The following PEX10 variants were observed in gnomAD, a reference collection of about 807,000 sequenced individuals.
PEX10 encodes peroxisomal biogenesis factor 10.
A neutral mutation model predicts 38.0 loss-of-function variants in PEX10; 32 were observed. The ratio of observed to expected loss-of-function variants is 0.84; its 90% CI spans 0.63 to 1.13. The LOEUF (loss-of-function observed/expected upper bound fraction) is 1.13. Ranked by LOEUF, PEX10 falls within the 50% of genes most tolerant of loss-of-function variation. PEX10 has a pLI of 0.00. For missense variants in PEX10, 483 were observed against 457.7 expected (o/e 1.06, Z -0.51); for synonymous variants, 206 against 207.3 (o/e 0.99, Z 0.05).
At chr1:2,412,602 A>C (rs866892911), upstream of PEX10, 71 of 965,050 alleles carry the variant, frequency 7.4e-5, no homozygotes, top group South Asian at 2.8e-4. Context: ...CGTGCGGCGC[A>C]GACCTCTGCG....
chr1:2,408,461 C>A lies in PEX10; in HGVS notation c.591G>T (p.Gly197=). The change falls in exon 3 of 6, where the codon GGG becomes GGT. Residue 197 remains glycine (G), a synonymous_variant. Coordinates refer to ENST00000447513, the MANE Select transcript of PEX10 (RefSeq NM_002617.4). ...AGCGCCTGCTACTTACGTACGTGAT[C>A]CCCGTGAGCCTCTTGGCCAGGTGGT... ...VFYHLAKRLT[G]ITYLRVRSLP... The A allele has an allele frequency of 6.2e-7, 1 of 1,612,982 alleles. No individual in the cohort carries two copies. The highest frequency in any genetic ancestry group is 8.5e-7 in the Non-Finnish European group (1 of 1,179,992).
At position 2,404,167 on chromosome 1, in the gene PEX10, T is replaced by G. The variant is rs1024482909; in HGVS notation, c.*1599A>C. On this transcript the variant is annotated 3_prime_UTR_variant, in exon 6 of 6. Coordinates refer to ENST00000447513, the MANE Select transcript of PEX10 (RefSeq NM_002617.4). ...CTCCTGGGCCCCGGGCTGCGCAGGC[T>G]CCTCACTCTGGGCGGTGTTTCCTGT... 14 of 152,242 alleles carry G rather than the reference T, an allele frequency of 9.2e-5. No homozygotes were observed. The highest frequency in any genetic ancestry group is 3.4e-4 in the African/African-American group (14 of 41,440). The allele number at this position is 152,242 out of a possible 1,614,324, so 9.4% of individuals were successfully genotyped here.
In PEX10 at chr1:2,408,919, G is replaced by C. The variant is rs375846571; in HGVS notation, c.194-61C>G. ...CTGCTGCCGCGGGGACAGGCTCCCG[G>C]CGCCCCTGCCAGCCGACCCTCTGCT... On this transcript the variant is annotated intron_variant, in intron 2 of 5. Transcript: ENST00000447513. 308 of 1,558,408 alleles carry C rather than the reference G, an allele frequency of 2.0e-4. 6 individuals carry two copies. The East Asian group carries it at 5.0e-3, about 25-fold the overall frequency.
At chr1:2,406,134 C>T (rs1483898057) in intron 5 of PEX10, among the ~76,000 whole-genome samples, 1 of 152,168 alleles carries the variant, frequency 6.6e-6, no homozygotes, top group African/African-American at 2.4e-5. Context: ...CGCTCTCACC[C>T]TGCCGGCATC....
Position 2,410,222 on chromosome 1 carries a change from C to T in PEX10, c.193+149G>A, listed in dbSNP as rs556461016. 66 of 713,178 alleles carry T rather than the reference C, an allele frequency of 9.3e-5. No individual in the cohort carries two copies. The East Asian group carries it at 1.4e-3, about 15-fold the overall frequency. 44.2% of individuals were successfully genotyped at this position (713,178 alleles called of 1,614,324 possible). A position where few individuals can be genotyped will look rare whatever the true frequency, so the allele number is the denominator to read the frequency against. ...CTGGGAGCAGATGCCTCGCCTCCCT[C>T]GGAGCAGTACCTCCTGCACTTCCCT... is the stretch of plus-strand genomic sequence containing the variant. On this transcript the variant is annotated intron_variant, in intron 2 of 5. Transcript: ENST00000447513. This position sits in a 1 kb window ranked among gnomAD's most constrained non-coding sequence, Gnocchi z 5.1.
At chr1:2,412,765 A>T (rs1356334599), upstream of PEX10, among the ~76,000 whole-genome samples, 1 of 151,238 alleles carries the variant, frequency 6.6e-6, no homozygotes, top group African/African-American at 2.4e-5. Flanking sequence ...GGGGCCCGCG[A>T]GCCGAGGTGG....
chr1:2,406,020 C>T (rs1002806522), intron 5 of PEX10, among the ~76,000 whole-genome samples, 186 bp from the exon 6 acceptor site: 4 of 152,116 alleles, frequency 2.6e-5, no homozygotes, highest in Non-Finnish European at 5.9e-5. Context: ...GGGGCTGGGG[C>T]GGGGCTGGGG....
At chr1:2,412,344 A>AC (rs1162150177) in intron 1 of PEX10, 47 bp downstream of exon 1, 4 of 1,312,040 alleles carry the variant, frequency 3.0e-6, no homozygotes, top group South Asian at 4.0e-5. Flanking sequence ...GAGGGGCAAC[A>AC]CCCCCTGGGC....
rs1129332 is a variant in PEX10 at position 2,404,771 on chromosome 1, C to T, written c.*995G>A. On this transcript the variant is annotated 3_prime_UTR_variant, in exon 6 of 6. Coordinates refer to ENST00000447513, the MANE Select transcript of PEX10 (RefSeq NM_002617.4). ...ACGCCCTCGAGGCATTTTAACACTGCGCTTCAGGAAATCTCAAGTTCCATC... is the reference window on the plus strand; with the variant it reads ...ACGCCCTCGAGGCATTTTAACACTGTGCTTCAGGAAATCTCAAGTTCCATC... The T allele has an allele frequency of 0.25, 37,465 of 152,352 alleles. 5,211 individuals carry two copies. Among genetic ancestry groups the T allele is most frequent in the East Asian group, 0.39 (2,025 of 5,176 alleles). The allele number at this position is 152,352 out of a possible 1,614,324, so 9.4% of individuals were successfully genotyped here.
At position 2,408,464 on chromosome 1, in the gene PEX10, CG is replaced by C. The variant is rs1557910161; in HGVS notation, c.587del (p.Thr196ArgfsTer16). ...GCCTGCTACTTACGTACGTGATCCC[CG>C]TGAGCCTCTTGGCCAGGTGGTAGAA... ...GVFYHLAKRL[T>X]GITYLRVRSL... On this transcript the variant is annotated frameshift_variant, in exon 3 of 6. Transcript: ENST00000447513. LOFTEE classifies it high-confidence loss of function. 1 of 1,612,978 alleles carries C rather than the reference CG, an allele frequency of 6.2e-7. No individual in the cohort carries two copies. Among genetic ancestry groups the C allele is most frequent in the South Asian group, 1.1e-5 (1 of 91,078 alleles).
In PEX10 at chr1:2,408,671, C is replaced by T; in HGVS notation, c.381G>A (p.Leu127=). ...GCCCACCTGGCCCCAGGCTCCCCTG[C>T]AAGGGTCGCCCACTGTCGGGGTCAG... ...LQADPDSGRP[L]QGSLGPGGRG... Residue 127 remains leucine (L), a synonymous_variant, in exon 3 of 6, where the codon TTG becomes TTA. Coordinates refer to ENST00000447513, the MANE Select transcript of PEX10 (RefSeq NM_002617.4). 2 of 1,612,190 alleles carry T rather than the reference C, an allele frequency of 1.2e-6. No individual in the cohort carries two copies. Among genetic ancestry groups the T allele is most frequent in the Non-Finnish European group, 1.7e-6 (2 of 1,179,338 alleles).
rs778793845 is a variant in PEX10 at position 2,405,715 on chromosome 1, G to A, written c.*51C>T. The A allele has an allele frequency of 2.5e-5, 37 of 1,470,350 alleles. No individual in the cohort carries two copies. The highest frequency in any genetic ancestry group is 1.5e-4 in the East Asian group (6 of 41,228). The allele number at this position is 1,470,350 out of a possible 1,614,324, so 91.1% of individuals were successfully genotyped here. ...GTTAATCCTGAGACTAAATCTTGGC[G>A]TTCAGACTCCCGTAGAGGTCATCTG... On this transcript the variant is annotated 3_prime_UTR_variant, in exon 6 of 6. Transcript: ENST00000447513.
rs1208287623 is a variant in PEX10, at chr1:2,410,777, C to T, written c.113-326G>A. 4.1e-6 allele frequency: 2 copies of T among 488,890 alleles called. No individual in the cohort carries two copies. Among genetic ancestry groups the T allele is most frequent in the African/African-American group, 3.9e-5 (2 of 51,426 alleles). The allele number at this position is 488,890 out of a possible 1,614,324, so 30.3% of individuals were successfully genotyped here. A position where few individuals can be genotyped will look rare whatever the true frequency, so the allele number is the denominator to read the frequency against. On this transcript the variant is annotated intron_variant, in intron 1 of 5. Transcript: ENST00000447513. The surrounding 1 kb of genome is among the most constrained non-coding windows in gnomAD (Gnocchi z 5.1). ...ATTAAGATTACAGGCCAGAGGCCAACTGTCTAGCATCAAAAAGCAGCTCTC... is the reference window on the plus strand; with the variant it reads ...ATTAAGATTACAGGCCAGAGGCCAATTGTCTAGCATCAAAAAGCAGCTCTC...
intron 3 of PEX10, among the ~76,000 whole-genome samples, chr1:2,407,757 G>A (rs1643057896): frequency 6.6e-6 from 1 of 152,182 alleles, no homozygotes; most frequent in African/African-American, 2.4e-5. Flanking sequence ...GGGGCTGAGG[G>A]GACCAGTGCA....
chr1:2,412,837 GCTGCGACCTCGGGGTC>G (rs1643313055), upstream of PEX10, among the ~76,000 whole-genome samples: 1 of 152,064 alleles, frequency 6.6e-6, no homozygotes, highest in South Asian at 2.1e-4. Context: ...CCGCGTGGTT[GCTGCGACCTCGGGGTC>G]CTACGCTGCC....
intron 3 of PEX10, 193 bp from the exon 4 acceptor site, chr1:2,407,088 T>C (rs1643036057): frequency 2.7e-6 from 2 of 747,208 alleles, no homozygotes; most frequent in Non-Finnish European, 4.7e-6. Context: ...CTTCGTAGCC[T>C]AGCATGACGG....
In PEX10 at chr1:2,412,352, G is replaced by C. The variant is rs879443489; in HGVS notation, c.112+39C>G. 9.0e-4 allele frequency: 1,220 copies of C among 1,349,446 alleles called. 1 individual carries two copies. Among genetic ancestry groups the C allele is most frequent in the Non-Finnish European group, 1.1e-3 (1,160 of 1,056,492 alleles). The allele number at this position is 1,349,446 out of a possible 1,614,324, so 83.6% of individuals were successfully genotyped here. ...CCTCCATGAGGGGCAACACCCCCTG[G>C]GCCGCTCGCGAGGACGTCCGGCCGC... On this transcript the variant is annotated intron_variant, in intron 1 of 5. Transcript: ENST00000447513.
rs781306925 is a variant in PEX10 at position 2,412,481 on chromosome 1, G to A, written c.22C>T (p.Pro8Ser). The A allele has an allele frequency of 1.4e-5, 20 of 1,384,160 alleles. No individual in the cohort carries two copies. Among genetic ancestry groups the A allele is most frequent in the African/African-American group, 4.5e-5 (3 of 66,140 alleles). 85.7% of individuals were successfully genotyped at this position (1,384,160 alleles called of 1,614,324 possible). A position where few individuals can be genotyped will look rare whatever the true frequency, so the allele number is the denominator to read the frequency against. The change falls in exon 1 of 6, where the codon CCC becomes TCC. Residue 8 changes from proline (P) to serine (S), a missense_variant. By Grantham distance (74) the Pro-to-Ser change is moderately conservative. Coordinates refer to ENST00000447513, the MANE Select transcript of PEX10 (RefSeq NM_002617.4). MAPAAASPPEVIRAAQKD... is the reference protein window; with the variant it reads MAPAAASSPEVIRAAQKD... ...TGCGCCGCGCGGATCACCTCCGGGG[G>A]GCTGGCGGCGGCCGGGGCCATGGCC... is the stretch of plus-strand genomic sequence containing the variant.
At chr1:2,408,960 C>A (rs1022714681) in intron 2 of PEX10, 102 bp from the exon 3 acceptor site, 1 of 1,179,854 alleles carries the variant, frequency 8.5e-7, no homozygotes, top group Non-Finnish European at 1.2e-6. Flanking sequence ...CTGTCAACAG[C>A]CCCATCTTGT....
Sources: allele counts gnomAD v4.1 joint callset (sites outside exome capture counted in the v4.1 genomes callset), GRCh38; gene constraint gnomAD v4.1.1; non-coding constraint Gnocchi (gnomAD v3.1); transcripts MANE v1.5; gene names NCBI Gene and HGNC (gene_info 2026-07-23, HGNC 2026-07-21).